The following FHIT variants were observed in gnomAD, a reference collection of about 807,000 sequenced individuals.
The protein encoded by FHIT is bis(5'-adenosyl)-triphosphatase.
In FHIT, 19 loss-of-function variants were observed where a neutral mutation model predicts 17.9. The ratio of observed to expected loss-of-function variants is 1.06; its 90% CI spans 0.74 to 1.56. FHIT has a LOEUF of 1.56. Ranked by LOEUF, FHIT falls within the 40% of genes most tolerant of loss-of-function variation. FHIT has a pLI of 0.00. For synonymous variants in FHIT, 81 were observed against 69.7 expected, an observed-to-expected ratio of 1.16 and a Z score of -0.81; for missense variants, 248 against 189.2, an observed-to-expected ratio of 1.31 and a Z score of -1.82.
intron 5 of FHIT, among the ~76,000 whole-genome samples, chr3:60,385,998 T>G (rs1362723372): frequency 6.6e-6 from 1 of 152,174 alleles, no homozygotes; most frequent in Non-Finnish European, 1.5e-5. Flanking sequence ...TAGAGCTGAC[T>G]ATGTAGCAGG....
intron 5 of FHIT, among the ~76,000 whole-genome samples, chr3:60,186,602 C>T (rs190870128): frequency 1.6e-3 from 237 of 152,182 alleles, no homozygotes; most frequent in African/African-American, 5.3e-3. Flanking sequence ...AGGTGGGCTG[C>T]GTACAGAACA....
At chr3:61,144,483 G>C (rs906876794) in intron 2 of FHIT, among the ~76,000 whole-genome samples, 28 of 152,122 alleles carry the variant, frequency 1.8e-4, no homozygotes. Context: ...TGGCAATTAT[G>C]AATAATGCTA....
At chr3:59,827,949 C>T (rs781244682) in intron 8 of FHIT, among the ~76,000 whole-genome samples, 7 of 152,144 alleles carry the variant, frequency 4.6e-5, no homozygotes, top group Non-Finnish European at 8.8e-5. Flanking sequence ...TTGCTCATCT[C>T]GAGATGAATT....
intron 2 of FHIT, among the ~76,000 whole-genome samples, chr3:61,071,365 A>G (rs943317865): frequency 2.0e-5 from 3 of 152,192 alleles, no homozygotes; most frequent in African/African-American, 7.2e-5. Flanking sequence ...CACAATTTTA[A>G]AACATATATT....
At chr3:59,902,575 G>T (rs565293909) in intron 8 of FHIT, among the ~76,000 whole-genome samples, 1 of 151,372 alleles carries the variant, frequency 6.6e-6, no homozygotes, top group African/African-American at 2.4e-5. Context: ...ACAGACATGC[G>T]ATGTATATAT....
chr3:60,730,058 C>A, intron 4 of FHIT: 1 of 478,256 alleles, frequency 2.1e-6, no homozygotes, highest in Non-Finnish European at 4.2e-6. Flanking sequence ...TTTGAAACAA[C>A]CCTCTGGACT....
At chr3:60,981,282 CCTTT>C (rs1710478848) in intron 3 of FHIT, among the ~76,000 whole-genome samples, 6 of 150,718 alleles carry the variant, frequency 4.0e-5, no homozygotes, top group Admixed American at 6.7e-5. Flanking sequence ...CTCCTTCTCC[CCTTT>C]CTTCCTTCCT....
intron 5 of FHIT, among the ~76,000 whole-genome samples, chr3:60,363,409 G>C (rs192884657): frequency 6.6e-6 from 1 of 152,150 alleles, no homozygotes; most frequent in Non-Finnish European, 1.5e-5. Flanking sequence ...TTTATTTCAA[G>C]TAATGGCTAC....
chr3:60,308,041 T>A (rs1306673555), intron 5 of FHIT, among the ~76,000 whole-genome samples: 2 of 152,136 alleles, frequency 1.3e-5, no homozygotes, highest in Non-Finnish European at 2.9e-5. Flanking sequence ...CAACACTACT[T>A]CGCAGATAAG....
chr3:61,215,962 A>T (rs944453306), intron 1 of FHIT, among the ~76,000 whole-genome samples: 8 of 143,528 alleles, frequency 5.6e-5, no homozygotes, highest in Admixed American at 2.9e-4. Context: ...CTGAAACTGG[A>T]TCCCTTCCTT....
chr3:60,821,871 A>C (rs1432018942), intron 4 of FHIT, 48 bp downstream of exon 4: 1 of 152,158 alleles, frequency 6.6e-6, no homozygotes, highest in East Asian at 1.9e-4. Context: ...ACAGCAGGTC[A>C]ATTATTTCAA....
intron 3 of FHIT, among the ~76,000 whole-genome samples, chr3:60,966,331 G>A (rs78796313): frequency 3.3e-5 from 5 of 152,178 alleles, no homozygotes; most frequent in Non-Finnish European, 5.9e-5. Context: ...TCCAGGTACC[G>A]TCTCTCACGG....
intron 4 of FHIT, among the ~76,000 whole-genome samples, chr3:60,605,729 G>C (rs2038587597): frequency 6.6e-6 from 1 of 152,156 alleles, no homozygotes; most frequent in African/African-American, 2.4e-5. Flanking sequence ...TAGAGGTACG[G>C]ACAGGAGGTG....
At chr3:60,105,843 C>T (rs1231780155) in intron 5 of FHIT, among the ~76,000 whole-genome samples, 1 of 151,932 alleles carries the variant, frequency 6.6e-6, no homozygotes, top group Non-Finnish European at 1.5e-5. Context: ...AGAAAATGGG[C>T]AGGAAAATTA....
chr3:60,266,868 T>C (rs895104595), intron 5 of FHIT, among the ~76,000 whole-genome samples: 2 of 152,058 alleles, frequency 1.3e-5, no homozygotes, highest in African/African-American at 4.8e-5. Flanking sequence ...GCTAAGACAG[T>C]GATAAGTATT....
intron 5 of FHIT, among the ~76,000 whole-genome samples, chr3:60,422,068 C>CA (rs1702493592): frequency 6.6e-6 from 1 of 152,136 alleles, no homozygotes; most frequent in Non-Finnish European, 1.5e-5. Context: ...AATGCCTCTG[C>CA]ATTTTAAAAT....
At chr3:60,598,482 G>A (rs2038340932) in intron 4 of FHIT, among the ~76,000 whole-genome samples, 1 of 152,112 alleles carries the variant, frequency 6.6e-6, no homozygotes, top group South Asian at 2.1e-4. Flanking sequence ...TTTGAGGATA[G>A]ATAATTCCAC....
At chr3:59,909,573 G>C (rs906152847) in intron 8 of FHIT, among the ~76,000 whole-genome samples, 1 of 152,104 alleles carries the variant, frequency 6.6e-6, no homozygotes. Context: ...CAAGTGATCC[G>C]TCCGCCTCTA....
chr3:60,300,313 A>T (rs1353591882), intron 5 of FHIT, among the ~76,000 whole-genome samples: 1 of 152,014 alleles, frequency 6.6e-6, no homozygotes, highest in Admixed American at 6.6e-5. Flanking sequence ...CCTATCAAAG[A>T]AGAGAAATTA....
Sources: allele counts gnomAD v4.1 joint callset (sites outside exome capture counted in the v4.1 genomes callset), GRCh38; gene constraint gnomAD v4.1.1; transcripts MANE v1.5; gene names NCBI Gene and HGNC (gene_info 2026-07-23, HGNC 2026-07-21).